Variants in C3orf33 observed in about 807,000 individuals in gnomAD.
The protein encoded by C3orf33 is AP-1 activity suppressor.
Under a neutral mutation model 28.7 loss-of-function variants are expected in C3orf33, and 23 were observed. The ratio of observed to expected loss-of-function variants is 0.80; its 90% CI spans 0.58 to 1.13. C3orf33 has a LOEUF of 1.13. C3orf33 is among the 50% of genes most tolerant of loss of function. The pLI, the probability that C3orf33 is intolerant of heterozygous loss-of-function variation, is 0.00. For synonymous variants in C3orf33, 119 were observed against 120.5 expected, an observed-to-expected ratio of 0.99 and a Z score of 0.08; for missense variants, 327 against 353.4, an observed-to-expected ratio of 0.93 and a Z score of 0.60.
In C3orf33 at chr3:155,778,161, A is replaced by C. The variant is rs1267809029; in HGVS notation, c.175-2313T>G. 1.6e-4 allele frequency among the ~76,000 whole-genome samples: 24 copies of C among 151,692 alleles called. No homozygotes were observed. In the East Asian group the frequency reaches 3.5e-3, roughly 22 times the overall value. ...CATTTCAAAAAAAAAAAAAAAAAAA[A>C]AACAAGTAGGGGTAATATTCTTGAT... On this transcript the variant is annotated intron_variant, in intron 2 of 4. Transcript: ENST00000340171.
At chr3:155,781,083 C>T (rs1211488162) in intron 2 of C3orf33, among the ~76,000 whole-genome samples, 4 of 150,590 alleles carry the variant, frequency 2.7e-5, no homozygotes, top group African/African-American at 5.0e-5. Flanking sequence ...CTGCAAGCTC[C>T]GCTTCCCGGG....
At chr3:155,773,118 G>T (rs1750641347) in intron 3 of C3orf33, among the ~76,000 whole-genome samples, 1 of 152,094 alleles carries the variant, frequency 6.6e-6, no homozygotes, top group East Asian at 1.9e-4. Flanking sequence ...CATAAACCAA[G>T]AAGTAAAAAT....
chr3:155,792,014 G>C (rs1751329559), intron 2 of C3orf33, among the ~76,000 whole-genome samples: 1 of 152,006 alleles, frequency 6.6e-6, no homozygotes, highest in African/African-American at 2.4e-5. Context: ...GTTACCATGG[G>C]CCCTGGGAGA....
chr3:155,791,518 GCCTCTTGGGGT>G (rs1372001972), intron 2 of C3orf33, among the ~76,000 whole-genome samples: 1 of 152,042 alleles, frequency 6.6e-6, no homozygotes, highest in Non-Finnish European at 1.5e-5. Flanking sequence ...GCACCACATG[GCCTCTTGGGGT>G]CCCCAAGTCC....
chr3:155,797,429 T>A (rs1751506761), intron 2 of C3orf33, among the ~76,000 whole-genome samples: 1 of 152,170 alleles, frequency 6.6e-6, no homozygotes, highest in Non-Finnish European at 1.5e-5. Flanking sequence ...CCACTGTTAT[T>A]CAATATAGTA....
At chr3:155,781,417 T>G (rs1750919556) in intron 2 of C3orf33, among the ~76,000 whole-genome samples, 1 of 152,162 alleles carries the variant, frequency 6.6e-6, no homozygotes, top group Non-Finnish European at 1.5e-5. Context: ...TGTTTCAATG[T>G]TCTCTTCCTA....
At chr3:155,777,326 A>T (rs73159012) in intron 2 of C3orf33, among the ~76,000 whole-genome samples, 55,751 of 151,146 alleles carry the variant, frequency 0.37, 11,568 homozygotes, top group Middle Eastern at 0.51. Context: ...AAAAAAAATT[A>T]AAAAAAAAAT....
At chr3:155,785,457 C>A (rs1439662076) in intron 2 of C3orf33, among the ~76,000 whole-genome samples, 1 of 152,046 alleles carries the variant, frequency 6.6e-6, no homozygotes, top group African/African-American at 2.4e-5. Flanking sequence ...TTTGTTAGGC[C>A]ACAAATTAAG....
In C3orf33 at chr3:155,793,829, T is replaced by TAAAA. The variant is rs1751391618; in HGVS notation, c.174+8699_174+8702dup. On this transcript the variant is annotated intron_variant, in intron 2 of 4. Transcript: ENST00000340171. ...TGACTCAAAAAAAAAAAAAAAAAAC[T>TAAAA]AAAAAAACTAAAAAAACTAAAACAG... Among the ~76,000 whole-genome samples the TAAAA allele has an allele frequency of 2.0e-3, 168 of 84,640 alleles. 17 individuals are homozygous for TAAAA. Among genetic ancestry groups the TAAAA allele is most frequent in the African/African-American group, 6.1e-3 (144 of 23,724 alleles). 55.5% of individuals were successfully genotyped at this position (84,640 alleles called of 152,430 possible).
At chr3:155,765,655 C>T (rs960544013) in intron 4 of C3orf33, among the ~76,000 whole-genome samples, 2 of 152,172 alleles carry the variant, frequency 1.3e-5, no homozygotes, top group African/African-American at 4.8e-5. Context: ...TCAAGTGATT[C>T]TCTTGCCTCA....
intron 1 of C3orf33, chr3:155,805,577 G>A (rs927065016): frequency 5.6e-6 from 2 of 355,574 alleles, no homozygotes; most frequent in Non-Finnish European, 1.1e-5. Flanking sequence ...GAAAGTAGTC[G>A]ATGGGGTAGC....
Position 155,770,212 on chromosome 3 carries a change from C to T in C3orf33, c.323-2543G>A, listed in dbSNP as rs1339821407. 3.3e-5 allele frequency among the ~76,000 whole-genome samples: 5 copies of T among 152,174 alleles called. No individual in the cohort carries two copies. The East Asian group carries it at 9.6e-4, about 29-fold the overall frequency. Reference sequence around the variant, plus strand: ...TCACCCACCAGTGATCAGCTAACCTCATTCTTCTTGGATGTGGGACAAGAA... The same window carrying T: ...TCACCCACCAGTGATCAGCTAACCTTATTCTTCTTGGATGTGGGACAAGAA... On this transcript the variant is annotated intron_variant, in intron 3 of 4. Transcript: ENST00000340171.
At chr3:155,790,243 G>A (rs115256890) in intron 2 of C3orf33, among the ~76,000 whole-genome samples, 1,571 of 139,534 alleles carry the variant, frequency 0.011, 40 homozygotes, top group African/African-American at 0.041. Context: ...AAAAAAAAAG[G>A]TCAGGCCCTT....
intron 2 of C3orf33, among the ~76,000 whole-genome samples, chr3:155,800,254 T>G (rs416063): frequency 0.77 from 116,262 of 151,900 alleles, 44,822 homozygotes; most frequent in Middle Eastern, 0.85. Flanking sequence ...CAAATTGGAC[T>G]TCATAAAAAT....
intron 2 of C3orf33, among the ~76,000 whole-genome samples, chr3:155,783,883 A>C (rs574599220): frequency 6.6e-6 from 1 of 152,164 alleles, no homozygotes; most frequent in Non-Finnish European, 1.5e-5. Context: ...ATATTTTAAA[A>C]ATTATTAGTT....
chr3:155,781,863 G>A (rs1172576952), intron 2 of C3orf33, among the ~76,000 whole-genome samples: 2 of 148,466 alleles, frequency 1.3e-5, no homozygotes, highest in African/African-American at 5.0e-5. Context: ...AGATCACCAG[G>A]TCAGGGATCA....
chr3:155,767,916 G>A (rs1034144001), intron 3 of C3orf33, among the ~76,000 whole-genome samples: 4 of 151,604 alleles, frequency 2.6e-5, no homozygotes, highest in African/African-American at 9.7e-5. Context: ...GTCTCACTCT[G>A]TCACCTAGGC....
At chr3:155,786,549 A>G (rs1751121064) in intron 2 of C3orf33, among the ~76,000 whole-genome samples, 1 of 152,176 alleles carries the variant, frequency 6.6e-6, no homozygotes, top group Non-Finnish European at 1.5e-5. Flanking sequence ...AAACCAGGCC[A>G]GGCACAGTGG....
At chr3:155,793,414 A>G (rs1751375635) in intron 2 of C3orf33, among the ~76,000 whole-genome samples, 1 of 152,060 alleles carries the variant, frequency 6.6e-6, no homozygotes, top group Non-Finnish European at 1.5e-5. Context: ...TTAATGAGCA[A>G]TAAGAAATCA....
Sources: gnomAD v4.1 joint callset for allele counts (sites outside exome capture counted in the v4.1 genomes callset) on GRCh38, gnomAD v4.1.1 for gene constraint, MANE v1.5 for transcripts, NCBI Gene and HGNC (gene_info 2026-07-23, HGNC 2026-07-21) for gene names.